The following MAPK10 variants were observed in gnomAD, a reference collection of about 807,000 sequenced individuals.
MAPK10 encodes mitogen-activated protein kinase 10, also known as JNK3 alpha protein kinase.
In MAPK10, 25 loss-of-function variants were observed where a neutral mutation model predicts 59.3. That is an observed-to-expected ratio of 0.42 (90% CI 0.31 to 0.59). The LOEUF is 0.59. MAPK10 is among the 20% of genes least tolerant of loss of function. MAPK10 has a pLI of 0.15. For missense variants in MAPK10, 351 were observed against 568.9 expected (o/e 0.62, Z 3.90); for synonymous variants, 190 against 200.5 (o/e 0.95, Z 0.44).
At chr4:86,565,343 G>A (rs1760985134) in intron 1 of MAPK10, among the ~76,000 whole-genome samples, 1 of 152,002 alleles carries the variant, frequency 6.6e-6, no homozygotes, top group African/African-American at 2.4e-5. Context: ...GTATTACTTT[G>A]TAATTTAAGA....
intron 1 of MAPK10, among the ~76,000 whole-genome samples, chr4:86,403,504 C>CAG (rs1309664355): frequency 6.6e-6 from 1 of 151,976 alleles, no homozygotes; most frequent in African/African-American, 2.4e-5. Flanking sequence ...GCCTGGGCAA[C>CAG]AGAGAGAGAG....
intron 2 of MAPK10, among the ~76,000 whole-genome samples, chr4:86,302,337 C>A (rs1032799575): frequency 1.3e-5 from 2 of 152,234 alleles, no homozygotes; most frequent in Non-Finnish European, 2.9e-5. Flanking sequence ...GTCCTGTCTT[C>A]AGTGGTACTG....
intron 11 of MAPK10, among the ~76,000 whole-genome samples, chr4:86,043,034 C>A (rs2041877599): frequency 6.6e-6 from 1 of 152,012 alleles, no homozygotes; most frequent in Admixed American, 6.6e-5. Flanking sequence ...GGAGATATGG[C>A]CAGTTTAATA....
At chr4:86,205,391 A>G (rs769617887) in intron 2 of MAPK10, among the ~76,000 whole-genome samples, 1 of 152,008 alleles carries the variant, frequency 6.6e-6, no homozygotes, top group Non-Finnish European at 1.5e-5. Flanking sequence ...ATTCACGATC[A>G]CAGTGAGAGA....
chr4:86,433,976 T>C (rs1748380832), intron 1 of MAPK10, among the ~76,000 whole-genome samples: 1 of 152,200 alleles, frequency 6.6e-6, no homozygotes, highest in African/African-American at 2.4e-5. Context: ...ATTGAAACTT[T>C]ATTTCCACTA....
chr4:86,021,501 A>T (rs1468025827), intron 13 of MAPK10, among the ~76,000 whole-genome samples: 1 of 152,164 alleles, frequency 6.6e-6, no homozygotes, highest in Non-Finnish European at 1.5e-5. Context: ...AGACATAAAG[A>T]CTCTCCACGT....
At chr4:86,284,291 A>C (rs2094923329) in intron 2 of MAPK10, among the ~76,000 whole-genome samples, 2 of 152,220 alleles carry the variant, frequency 1.3e-5, no homozygotes, top group African/African-American at 2.4e-5. Flanking sequence ...AAGAACTTGC[A>C]TTCTGGCAAG....
intron 1 of MAPK10, among the ~76,000 whole-genome samples, chr4:86,547,340 C>T (rs1284484646): frequency 6.6e-6 from 1 of 152,244 alleles, no homozygotes; most frequent in Non-Finnish European, 1.5e-5. Context: ...TGGGGGGAAC[C>T]AGGACTGCGC....
At chr4:86,297,464 C>T (rs1446924772) in intron 2 of MAPK10, among the ~76,000 whole-genome samples, 3 of 152,088 alleles carry the variant, frequency 2.0e-5, no homozygotes, top group African/African-American at 7.2e-5. Context: ...TGGTGCCCAC[C>T]ACCAAGGTCG....
At chr4:86,585,408 T>G (rs2149114558) in intron 1 of MAPK10, among the ~76,000 whole-genome samples, 1 of 152,318 alleles carries the variant, frequency 6.6e-6, no homozygotes, top group South Asian at 2.1e-4. Flanking sequence ...TATGTTCCCT[T>G]TAACAAAAAC....
chr4:86,396,732 A>AG, intron 1 of MAPK10, among the ~76,000 whole-genome samples: 1 of 152,288 alleles, frequency 6.6e-6, no homozygotes, highest in South Asian at 2.1e-4. Flanking sequence ...CAAATGCTGG[A>AG]GCAAGGGGTG....
At chr4:86,276,573 A>G (rs1272542516) in intron 2 of MAPK10, among the ~76,000 whole-genome samples, 4 of 152,184 alleles carry the variant, frequency 2.6e-5, no homozygotes, top group African/African-American at 9.6e-5. Context: ...GACAGTCTAA[A>G]AAATCACAAG....
chr4:86,277,982 TAAC>T lies in MAPK10; in HGVS notation c.-7+76545_-7+76547del, dbSNP rs145723251. 5.5e-3 allele frequency among the ~76,000 whole-genome samples: 831 copies of T among 152,214 alleles called. 15 individuals are homozygous for T. The East Asian group carries it at 0.077, about 14-fold the overall frequency. On this transcript the variant is annotated intron_variant, in intron 2 of 13. Transcript: ENST00000641462. ...AATTTTAGATATATATCACAAAGTA[TAAC>T]ATCATGATGTTTTTAAATATGTACC... is the stretch of plus-strand genomic sequence containing the variant.
chr4:86,277,964 G>GAT (rs1304569614), intron 2 of MAPK10, among the ~76,000 whole-genome samples: 2 of 151,980 alleles, frequency 1.3e-5, no homozygotes, highest in Non-Finnish European at 2.9e-5. Context: ...AGAAATTTTA[G>GAT]ATATATATCA....
rs541653345 is a variant in MAPK10, at chr4:86,265,886, G to A, written c.-6-71479C>T. Among the ~76,000 whole-genome samples the A allele has an allele frequency of 1.7e-3, 257 of 152,190 alleles. 2 individuals carry two copies. Among genetic ancestry groups the A allele is most frequent in the African/African-American group, 3.3e-3 (137 of 41,530 alleles). Reference sequence around the variant, plus strand: ...CATTGTTGAGTTGGGGTTCATTACCGCTTCTGCATGAATCCTAGGCCTGCT... The same window carrying A: ...CATTGTTGAGTTGGGGTTCATTACCACTTCTGCATGAATCCTAGGCCTGCT... On this transcript the variant is annotated intron_variant, in intron 2 of 13. Transcript: ENST00000641462.
At chr4:86,075,033 A>G (rs939896053) in intron 9 of MAPK10, among the ~76,000 whole-genome samples, 2 of 147,748 alleles carry the variant, frequency 1.4e-5, no homozygotes, top group South Asian at 2.2e-4. Context: ...AGGTACACCA[A>G]TCAGACCTAG....
At chr4:86,533,349 G>A (rs2149092259) in intron 1 of MAPK10, among the ~76,000 whole-genome samples, 1 of 152,228 alleles carries the variant, frequency 6.6e-6, no homozygotes, top group South Asian at 2.1e-4. Flanking sequence ...ACACAACAAT[G>A]TGAATGTACT....
chr4:86,108,765 C>T (rs1368452121), intron 4 of MAPK10, among the ~76,000 whole-genome samples: 1 of 152,154 alleles, frequency 6.6e-6, no homozygotes, highest in African/African-American at 2.4e-5. Flanking sequence ...GTTAGTCCTG[C>T]CTTCCAGGGC....
chr4:86,067,737 T>C, intron 10 of MAPK10, 36 bp downstream of exon 10: 1 of 1,571,824 alleles, frequency 6.4e-7, no homozygotes, highest in Non-Finnish European at 8.6e-7. Context: ...CCCGTCACCC[T>C]CATAGTTGTC....
Sources: allele counts gnomAD v4.1 joint callset (sites outside exome capture counted in the v4.1 genomes callset), GRCh38; gene constraint gnomAD v4.1.1; transcripts MANE v1.5; gene names NCBI Gene and HGNC (gene_info 2026-07-23, HGNC 2026-07-21).